Variants in PTPRD observed in about 807,000 individuals in gnomAD.
PTPRD encodes protein tyrosine phosphatase receptor type D.
A neutral mutation model predicts 214.5 loss-of-function variants in PTPRD; 34 were observed. The ratio of observed to expected loss-of-function variants is 0.16; its 90% CI spans 0.12 to 0.21. The LOEUF (loss-of-function observed/expected upper bound fraction) is 0.21. Ranked by LOEUF, PTPRD falls within the 10% of genes least tolerant of loss-of-function variation. The pLI, the probability that PTPRD is intolerant of heterozygous loss-of-function variation, is 1.00. For missense variants in PTPRD, 2,545 were observed against 2,398.7 expected (o/e 1.06, Z -1.27); for synonymous variants, 1,128 against 845.7 (o/e 1.33, Z -5.79).
At position 9,723,687 on chromosome 9, in the gene PTPRD, G is replaced by GT. The variant is rs368117813; in HGVS notation, c.-287+10845dup. 1.6e-3 allele frequency among the ~76,000 whole-genome samples: 250 copies of GT among 151,900 alleles called. 1 individual carries two copies. The highest frequency in any genetic ancestry group is 5.6e-3 in the African/African-American group (233 of 41,424). On this transcript the variant is annotated intron_variant, in intron 7 of 45. Transcript: ENST00000381196. ...TTTTTTCCATTCATGTAGATCTTTGGTTTTCCCCATTAATTGAAGTTTTCT... is the reference window on the plus strand; with the variant it reads ...TTTTTTCCATTCATGTAGATCTTTGGTTTTTCCCCATTAATTGAAGTTTTCT...
chr9:10,054,993 A>AG (rs149874937), intron 3 of PTPRD, among the ~76,000 whole-genome samples: 9,878 of 142,978 alleles, frequency 0.069, 387 homozygotes, highest in Non-Finnish European at 0.091. Context: ...AAAGAAAGAA[A>AG]AAAAGAAAGA....
At chr9:9,122,899 G>T (rs542639354) in intron 10 of PTPRD, among the ~76,000 whole-genome samples, 2 of 152,246 alleles carry the variant, frequency 1.3e-5, no homozygotes, top group South Asian at 2.1e-4. Context: ...TACAAAAAGG[G>T]TAACCTACCA....
intron 5 of PTPRD, among the ~76,000 whole-genome samples, chr9:9,907,786 C>T (rs1422371299): frequency 1.3e-5 from 2 of 151,942 alleles, no homozygotes; most frequent in Non-Finnish European, 2.9e-5. Flanking sequence ...CATAAGCACT[C>T]TTTAAAATCA....
intron 2 of PTPRD, among the ~76,000 whole-genome samples, chr9:10,454,414 T>A (rs2098888345): frequency 6.6e-6 from 1 of 151,526 alleles, no homozygotes; most frequent in South Asian, 2.1e-4. Context: ...CTCAGAATAC[T>A]TTTTTTAAAA....
At chr9:9,910,828 A>G (rs1233254782) in intron 5 of PTPRD, among the ~76,000 whole-genome samples, 1 of 152,026 alleles carries the variant, frequency 6.6e-6, no homozygotes, top group East Asian at 1.9e-4. Context: ...ACTGAATAAT[A>G]CTTGGAAAAC....
chr9:9,764,351 A>C (rs908117891), intron 6 of PTPRD, among the ~76,000 whole-genome samples: 1 of 152,220 alleles, frequency 6.6e-6, no homozygotes, highest in Non-Finnish European at 1.5e-5. Flanking sequence ...TGCAACATGA[A>C]GACCCCTTAT....
At position 9,615,663 on chromosome 9, in the gene PTPRD, G is replaced by A. The variant is rs77198478; in HGVS notation, c.-286-40882C>T. 1.0e-3 allele frequency among the ~76,000 whole-genome samples: 155 copies of A among 152,290 alleles called. 2 individuals are homozygous for A. In the East Asian group the frequency reaches 0.029, roughly 29 times the overall value. Reference sequence around the variant, plus strand: ...AGATTGGCTTTCTATAATTAGAAGTGAAAATTGTTCTGGAGATCATTTTGC... The same window carrying A: ...AGATTGGCTTTCTATAATTAGAAGTAAAAATTGTTCTGGAGATCATTTTGC... On this transcript the variant is annotated intron_variant, in intron 7 of 45. Coordinates refer to ENST00000381196, the MANE Select transcript of PTPRD (RefSeq NM_002839.4).
chr9:9,090,671 TA>T (rs972657076), intron 10 of PTPRD, among the ~76,000 whole-genome samples: 2 of 152,166 alleles, frequency 1.3e-5, no homozygotes, highest in Non-Finnish European at 2.9e-5. Context: ...CATACAAACT[TA>T]AAAAACATTT....
chr9:9,586,021 G>T (rs970816456), intron 7 of PTPRD, among the ~76,000 whole-genome samples: 1 of 151,962 alleles, frequency 6.6e-6, no homozygotes, highest in African/African-American at 2.4e-5. Flanking sequence ...TAAGGAAGTT[G>T]GTAGTCAGTG....
chr9:10,221,515 A>G (rs560988897), intron 3 of PTPRD, among the ~76,000 whole-genome samples: 1 of 152,028 alleles, frequency 6.6e-6, no homozygotes, highest in African/African-American at 2.4e-5. Flanking sequence ...GTTGTGAAAT[A>G]GTAATATAAA....
At chr9:9,426,646 A>T (rs1223269360) in intron 8 of PTPRD, among the ~76,000 whole-genome samples, 1 of 152,178 alleles carries the variant, frequency 6.6e-6, no homozygotes, top group Non-Finnish European at 1.5e-5. Flanking sequence ...CCTAACTGGA[A>T]GGCACCTCCC....
At chr9:10,042,307 G>A (rs537725236) in intron 3 of PTPRD, among the ~76,000 whole-genome samples, 7 of 151,954 alleles carry the variant, frequency 4.6e-5, no homozygotes, top group East Asian at 3.9e-4. Context: ...AGAGGCATGC[G>A]GAGATAGAAG....
At chr9:10,013,325 A>T (rs2096638185) in intron 4 of PTPRD, among the ~76,000 whole-genome samples, 1 of 151,992 alleles carries the variant, frequency 6.6e-6, no homozygotes, top group Non-Finnish European at 1.5e-5. Flanking sequence ...ATCAAAGAAT[A>T]AAATTAAATT....
chr9:8,762,654 C>T (rs1292858538), intron 11 of PTPRD, among the ~76,000 whole-genome samples: 1 of 152,070 alleles, frequency 6.6e-6, no homozygotes, highest in African/African-American at 2.4e-5. Flanking sequence ...ATGATGAGTG[C>T]TCAGGAAAAG....
chr9:9,426,192 T>C (rs149445698), intron 8 of PTPRD, among the ~76,000 whole-genome samples: 7,141 of 152,210 alleles, frequency 0.047, 233 homozygotes, highest in South Asian at 0.11. Flanking sequence ...ACCTGGAATA[T>C]TGGGTCACTC....
chr9:8,340,203 A>T, intron 42 of PTPRD, 140 bp downstream of exon 42: 1 of 985,560 alleles, frequency 1.0e-6, no homozygotes, highest in Non-Finnish European at 1.4e-6. Context: ...GAAACTAACA[A>T]GGAATGATGG....
At chr9:9,372,763 T>C (rs2059862010) in intron 9 of PTPRD, among the ~76,000 whole-genome samples, 1 of 152,168 alleles carries the variant, frequency 6.6e-6, no homozygotes, top group Admixed American at 6.6e-5. Flanking sequence ...GTTGTTCCTT[T>C]CCATGTTTAG....
intron 8 of PTPRD, among the ~76,000 whole-genome samples, chr9:9,466,527 A>G (rs182045226): frequency 6.6e-6 from 1 of 152,294 alleles, no homozygotes; most frequent in East Asian, 1.9e-4. Context: ...CTGATGAATT[A>G]TTTTCATTTA....
intron 12 of PTPRD, among the ~76,000 whole-genome samples, chr9:8,676,378 A>ATT (rs559455727): frequency 3.9e-4 from 43 of 111,596 alleles, no homozygotes; most frequent in African/African-American, 6.4e-4. Flanking sequence ...GCTCATTTTC[A>ATT]TTTTTTTTTT....
Sources: gnomAD v4.1 joint callset for allele counts (sites outside exome capture counted in the v4.1 genomes callset) on GRCh38, gnomAD v4.1.1 for gene constraint, MANE v1.5 for transcripts, NCBI Gene and HGNC (gene_info 2026-07-23, HGNC 2026-07-21) for gene names.